MACROD2: variants seen among roughly 807,000 people sequenced by gnomAD.
MACROD2 encodes ADP-ribose glycohydrolase MACROD2.
MACROD2 carries 36 observed loss-of-function variants against 70.4 expected under a neutral mutation model. That is an observed-to-expected ratio of 0.51 (90% CI 0.39 to 0.68). MACROD2 has a LOEUF of 0.68. MACROD2 is among the 30% of genes least tolerant of loss of function. MACROD2 has a pLI of 0.00. For missense variants in MACROD2, 496 were observed against 538.4 expected, an observed-to-expected ratio of 0.92 and a Z score of 0.78; for synonymous variants, 172 against 178.8, an observed-to-expected ratio of 0.96 and a Z score of 0.30.
At chr20:14,816,396 A>T (rs181179858) in intron 5 of MACROD2, among the ~76,000 whole-genome samples, 1 of 152,190 alleles carries the variant, frequency 6.6e-6, no homozygotes, top group East Asian at 1.9e-4. Flanking sequence ...TAGTATACCC[A>T]GTATAAGGCA....
chr20:15,242,977 G>A (rs1313006497), intron 6 of MACROD2, among the ~76,000 whole-genome samples: 4 of 152,192 alleles, frequency 2.6e-5, no homozygotes, highest in Admixed American at 1.3e-4. Flanking sequence ...GGAGCATCTG[G>A]TGACCCTACT....
intron 9 of MACROD2, among the ~76,000 whole-genome samples, chr20:15,872,448 C>G (rs1039649718): frequency 4.6e-5 from 7 of 152,136 alleles, no homozygotes; most frequent in African/African-American, 1.7e-4. Flanking sequence ...AAATGCTAGG[C>G]TTGTTATTAT....
intron 4 of MACROD2, among the ~76,000 whole-genome samples, chr20:14,575,815 T>A (rs1237919735): frequency 6.6e-6 from 1 of 152,176 alleles, no homozygotes; most frequent in African/African-American, 2.4e-5. Flanking sequence ...TCTACACAGG[T>A]CAATGACCTT....
At chr20:14,253,019 C>A (rs1388082841) in intron 3 of MACROD2, among the ~76,000 whole-genome samples, 2 of 151,512 alleles carry the variant, frequency 1.3e-5, no homozygotes, top group Non-Finnish European at 2.9e-5. Flanking sequence ...TGGTATGAAC[C>A]CTGTTGTTTT....
chr20:15,184,672 C>T (rs1048453259), intron 5 of MACROD2, among the ~76,000 whole-genome samples: 3 of 152,168 alleles, frequency 2.0e-5, no homozygotes, highest in Admixed American at 1.3e-4. Flanking sequence ...TCAACATTGG[C>T]CAGCACTCAG....
intron 5 of MACROD2, among the ~76,000 whole-genome samples, chr20:14,857,068 A>G (rs1394018111): frequency 6.6e-6 from 1 of 152,126 alleles, no homozygotes; most frequent in Non-Finnish European, 1.5e-5. Flanking sequence ...TCCAAAGGGT[A>G]TTCTCCAAAT....
At chr20:15,585,967 A>G (rs989589572) in intron 8 of MACROD2, among the ~76,000 whole-genome samples, 12 of 152,176 alleles carry the variant, frequency 7.9e-5, no homozygotes, top group African/African-American at 2.9e-4. Flanking sequence ...CAATTCAAGT[A>G]AAGGGCTGGA....
At chr20:15,501,342 C>T (rs898281223) in intron 8 of MACROD2, among the ~76,000 whole-genome samples, 1 of 152,180 alleles carries the variant, frequency 6.6e-6, no homozygotes, top group African/African-American at 2.4e-5. Flanking sequence ...GGATATGCCC[C>T]ACTGGAGGAA....
intron 5 of MACROD2, among the ~76,000 whole-genome samples, chr20:15,061,823 G>A (rs1329853408): frequency 6.6e-6 from 1 of 152,168 alleles, no homozygotes; most frequent in East Asian, 1.9e-4. Context: ...TTGGGTCTCA[G>A]AGAGAGTTAT....
chr20:14,856,353 G>C (rs963679548), intron 5 of MACROD2, among the ~76,000 whole-genome samples: 2 of 152,040 alleles, frequency 1.3e-5, no homozygotes, highest in East Asian at 3.9e-4. Context: ...CTTGGATAAA[G>C]GTTTAATAAA....
chr20:14,727,454 G>T (rs967898656), intron 5 of MACROD2, among the ~76,000 whole-genome samples: 1 of 152,050 alleles, frequency 6.6e-6, no homozygotes, highest in African/African-American at 2.4e-5. Context: ...AGGATCATTT[G>T]AGCCTGGGAG....
At chr20:14,909,503 C>G (rs1396121440) in intron 5 of MACROD2, among the ~76,000 whole-genome samples, 5 of 151,782 alleles carry the variant, frequency 3.3e-5, no homozygotes, top group Admixed American at 3.3e-4. Flanking sequence ...CTTTCTGAAC[C>G]TAAATTTCTC....
rs534851856 is a variant in MACROD2, at chr20:14,017,959, A to C, written c.163+15555A>C. Among the ~76,000 whole-genome samples, 10 of 152,186 alleles carry C rather than the reference A, an allele frequency of 6.6e-5. 1 individual carries two copies. The East Asian group carries it at 1.9e-3, about 29-fold the overall frequency. On this transcript the variant is annotated intron_variant, in intron 2 of 17. Transcript: ENST00000684519. ...TGTTGTTGGAAGCTTTTGGTTACTTATTCAGTCTCCTTACTAATTATAGGT... is the reference window on the plus strand; with the variant it reads ...TGTTGTTGGAAGCTTTTGGTTACTTCTTCAGTCTCCTTACTAATTATAGGT...
chr20:14,803,459 A>G (rs1374532912), intron 5 of MACROD2, among the ~76,000 whole-genome samples: 2 of 151,986 alleles, frequency 1.3e-5, no homozygotes, highest in Non-Finnish European at 2.9e-5. Context: ...GAATGCATAG[A>G]AATATTTTAT....
intron 3 of MACROD2, among the ~76,000 whole-genome samples, chr20:14,095,956 C>A (rs1356756990): frequency 6.6e-6 from 1 of 152,172 alleles, no homozygotes; most frequent in East Asian, 1.9e-4. Context: ...GCTCACTGTG[C>A]AGGAATAGTA....
intron 2 of MACROD2, among the ~76,000 whole-genome samples, chr20:14,012,701 C>CTAAATATGA (rs2052929390): frequency 6.6e-6 from 1 of 152,074 alleles, no homozygotes; most frequent in African/African-American, 2.4e-5. Context: ...TGGTATTGCA[C>CTAAATATGA]TAAACATGAT....
chr20:15,862,559 C>G (rs532415216), intron 8 of MACROD2, among the ~76,000 whole-genome samples, 186 bp from the exon 9 acceptor site: 1 of 151,990 alleles, frequency 6.6e-6, no homozygotes, highest in Non-Finnish European at 1.5e-5. Context: ...AGTACACACA[C>G]GCACACACAC....
intron 7 of MACROD2, among the ~76,000 whole-genome samples, chr20:15,450,994 A>T (rs776357632): frequency 1.3e-5 from 2 of 152,090 alleles, no homozygotes; most frequent in Non-Finnish European, 2.9e-5. Context: ...AGATACAGAC[A>T]TTTTCTCATT....
At chr20:14,514,461 A>C (rs2085068071) in intron 4 of MACROD2, among the ~76,000 whole-genome samples, 1 of 152,134 alleles carries the variant, frequency 6.6e-6, no homozygotes, top group African/African-American at 2.4e-5. Flanking sequence ...ATGTCATCCT[A>C]GCCACAAGAT....
Sources: gnomAD v4.1 joint callset for allele counts (sites outside exome capture counted in the v4.1 genomes callset) on GRCh38, gnomAD v4.1.1 for gene constraint, MANE v1.5 for transcripts, NCBI Gene and HGNC (gene_info 2026-07-23, HGNC 2026-07-21) for gene names.